Variants in GNAL observed in about 807,000 individuals in gnomAD.
GNAL encodes G protein subunit alpha L, also known as guanine nucleotide-binding protein G(olf) subunit alpha.
Under a neutral mutation model 55.1 loss-of-function variants are expected in GNAL, and 18 were observed. The ratio of observed to expected loss-of-function variants is 0.33; its 90% CI spans 0.23 to 0.48. GNAL has a LOEUF of 0.48. GNAL is among the 20% of genes least tolerant of loss of function. GNAL has a pLI of 0.99. For missense variants in GNAL, 412 were observed against 614.1 expected (o/e 0.67, Z 3.48); for synonymous variants, 253 against 237.0 (o/e 1.07, Z -0.62).
intron 1 of GNAL, among the ~76,000 whole-genome samples, chr18:11,703,326 C>T (rs1040487074): frequency 6.6e-6 from 1 of 152,156 alleles, no homozygotes; most frequent in Non-Finnish European, 1.5e-5. Flanking sequence ...AGTTGAAAAT[C>T]CATTTAGAAT....
intron 5 of GNAL, among the ~76,000 whole-genome samples, chr18:11,827,009 G>A (rs1034727667): frequency 1.3e-5 from 2 of 152,144 alleles, no homozygotes; most frequent in Admixed American, 1.3e-4. Context: ...CTGGGAGAGA[G>A]GGAGTGCCCA....
At chr18:11,809,823 T>C (rs2034763814) in intron 4 of GNAL, among the ~76,000 whole-genome samples, 1 of 152,244 alleles carries the variant, frequency 6.6e-6, no homozygotes, top group African/African-American at 2.4e-5. Context: ...TTTAAGATTA[T>C]CTAGTGCAAA....
intron 4 of GNAL, among the ~76,000 whole-genome samples, chr18:11,770,552 A>G (rs2033602215): frequency 6.6e-6 from 1 of 152,172 alleles, no homozygotes; most frequent in South Asian, 2.1e-4. Flanking sequence ...TTTGTAGAAA[A>G]ATAACAGTTA....
At chr18:11,750,858 C>T (rs963933893) in intron 1 of GNAL, among the ~76,000 whole-genome samples, 1 of 152,024 alleles carries the variant, frequency 6.6e-6, no homozygotes, top group Non-Finnish European at 1.5e-5. Flanking sequence ...TGAATGTGTT[C>T]GCTTGCTTGA....
At chr18:11,766,210 T>C (rs2033401080) in intron 4 of GNAL, among the ~76,000 whole-genome samples, 1 of 152,214 alleles carries the variant, frequency 6.6e-6, no homozygotes, top group African/African-American at 2.4e-5. Flanking sequence ...ACACTGGCTT[T>C]CTTATTTTTT....
chr18:11,836,995 C>T (rs2035511835), intron 5 of GNAL, among the ~76,000 whole-genome samples: 1 of 152,156 alleles, frequency 6.6e-6, no homozygotes, highest in Admixed American at 6.5e-5. Flanking sequence ...GCTCTGTCAC[C>T]CAGGCTGGAG....
At chr18:11,871,822 T>C (rs1201424339) in intron 9 of GNAL, among the ~76,000 whole-genome samples, 1 of 152,230 alleles carries the variant, frequency 6.6e-6, no homozygotes, top group African/African-American at 2.4e-5. Context: ...ATATCCCCCA[T>C]GGGACTGAAT....
intron 9 of GNAL, among the ~76,000 whole-genome samples, chr18:11,870,946 T>C (rs1407909033): frequency 1.3e-5 from 2 of 152,196 alleles, no homozygotes; most frequent in Non-Finnish European, 2.9e-5. Flanking sequence ...TATAGAGTTA[T>C]TATGAATTTA....
intron 4 of GNAL, among the ~76,000 whole-genome samples, chr18:11,768,865 A>G (rs111725111): frequency 0.057 from 6,970 of 122,452 alleles, 537 homozygotes; most frequent in African/African-American, 0.21. Flanking sequence ...CTGCACTCCA[A>G]CCTGGGCGAC....
chr18:11,716,213 C>T (rs2031960493), intron 1 of GNAL, among the ~76,000 whole-genome samples: 1 of 152,262 alleles, frequency 6.6e-6, no homozygotes, highest in African/African-American at 2.4e-5. Context: ...CTTGGTCTCA[C>T]TGACTTCAAG....
At chr18:11,865,691 G>A (rs1427876300) in intron 7 of GNAL, among the ~76,000 whole-genome samples, 1 of 145,618 alleles carries the variant, frequency 6.9e-6, no homozygotes, top group Non-Finnish European at 1.5e-5. Context: ...GGAATTCAAG[G>A]CTGCAGTGGG....
intron 11 of GNAL, among the ~76,000 whole-genome samples, chr18:11,879,926 C>T (rs556785708): frequency 2.0e-5 from 3 of 152,334 alleles, no homozygotes; most frequent in East Asian, 3.9e-4. Flanking sequence ...GCCGCTGCAC[C>T]GTCCAGTACA....
intron 4 of GNAL, among the ~76,000 whole-genome samples, chr18:11,793,778 C>A (rs941275430): frequency 6.6e-6 from 1 of 151,844 alleles, no homozygotes. Context: ...AAAAAATTAG[C>A]TGGGCGTGGT....
chr18:11,842,317 C>G (rs1334082543), intron 5 of GNAL, among the ~76,000 whole-genome samples: 1 of 152,042 alleles, frequency 6.6e-6, no homozygotes, highest in Non-Finnish European at 1.5e-5. Flanking sequence ...CTTGGTGTAG[C>G]GGCCCCCAGC....
chr18:11,720,818 A>C (rs1022139453), intron 1 of GNAL, among the ~76,000 whole-genome samples: 2 of 152,196 alleles, frequency 1.3e-5, no homozygotes, highest in African/African-American at 4.8e-5. Flanking sequence ...GGAAATGGAG[A>C]GCTCACTTCC....
chr18:11,707,282 A>G (rs2031735421), intron 1 of GNAL, among the ~76,000 whole-genome samples: 1 of 152,248 alleles, frequency 6.6e-6, no homozygotes, highest in African/African-American at 2.4e-5. Context: ...CTGCAAAGTA[A>G]AAATTACTGC....
chr18:11,721,862 G>C (rs1321850639), intron 1 of GNAL, among the ~76,000 whole-genome samples: 1 of 150,454 alleles, frequency 6.6e-6, no homozygotes, highest in African/African-American at 2.4e-5. Context: ...CTCCAGCCTG[G>C]GAGACAAGAG....
chr18:11,884,994 GAGGGA>G lies in GNAL; in HGVS notation c.*3861_*3865del. The stretch of plus-strand genomic sequence containing the variant: ...GGGTCATCGGTCAGCGAGGAACAAG[GAGGGA>G]AAGGTGTCTTCCTGCCCCTTGATGC... On this transcript the variant is annotated 3_prime_UTR_variant, in exon 12 of 12. Transcript: ENST00000334049. 1 of 1,302,970 alleles carries G rather than the reference GAGGGA, an allele frequency of 7.7e-7. No homozygotes were observed. The allele number at this position is 1,302,970 out of a possible 1,614,324, so 80.7% of individuals were successfully genotyped here.
intron 4 of GNAL, among the ~76,000 whole-genome samples, chr18:11,773,177 G>T (rs533225440): frequency 6.6e-6 from 1 of 152,212 alleles, no homozygotes; most frequent in South Asian, 2.1e-4. Flanking sequence ...GCACCAAGGT[G>T]TCCCCTTACC....
Sources: allele counts gnomAD v4.1 joint callset (sites outside exome capture counted in the v4.1 genomes callset), GRCh38; gene constraint gnomAD v4.1.1; transcripts MANE v1.5; gene names NCBI Gene and HGNC (gene_info 2026-07-23, HGNC 2026-07-21).